IQGAP2: variants seen among roughly 807,000 people sequenced by gnomAD.
IQGAP2 encodes ras GTPase-activating-like protein IQGAP2.
Under a neutral mutation model 201.3 loss-of-function variants are expected in IQGAP2, and 173 were observed. The ratio of observed to expected loss-of-function variants is 0.86; its 90% CI spans 0.76 to 0.98. The LOEUF (loss-of-function observed/expected upper bound fraction) is 0.98. Ranked by LOEUF, IQGAP2 falls within the 50% of genes least tolerant of loss-of-function variation. The pLI, the probability that IQGAP2 is intolerant of heterozygous loss-of-function variation, is 0.00. For missense variants in IQGAP2, 1,687 were observed against 1,864.8 expected, an observed-to-expected ratio of 0.90 and a Z score of 1.76; for synonymous variants, 675 against 673.9, an observed-to-expected ratio of 1.00 and a Z score of -0.03.
intron 13 of IQGAP2, chr5:76,616,053 G>C (rs1326710511): frequency 3.3e-5 from 5 of 152,578 alleles, no homozygotes; most frequent in Admixed American, 3.3e-4. Context: ...CTTGGGCCTG[G>C]CATCACCCAG....
At chr5:76,460,981 T>C (rs546007121) in intron 1 of IQGAP2, among the ~76,000 whole-genome samples, 58 of 151,152 alleles carry the variant, frequency 3.8e-4, no homozygotes, top group African/African-American at 1.4e-3. Flanking sequence ...GTGATTCTCC[T>C]GATTCTCTTG....
intron 1 of IQGAP2, among the ~76,000 whole-genome samples, chr5:76,405,780 T>A (rs1321161831): frequency 6.6e-6 from 1 of 152,198 alleles, no homozygotes; most frequent in Non-Finnish European, 1.5e-5. Flanking sequence ...ATGGGAAGGC[T>A]AGGGAAGGAT....
chr5:76,647,322 C>G (rs1752126261), intron 17 of IQGAP2, among the ~76,000 whole-genome samples: 2 of 152,044 alleles, frequency 1.3e-5, no homozygotes, highest in African/African-American at 4.8e-5. Flanking sequence ...TTTTTCTGAC[C>G]TGGAGCTGGA....
chr5:76,636,453 C>T (rs1249671740), intron 15 of IQGAP2, among the ~76,000 whole-genome samples: 1 of 152,184 alleles, frequency 6.6e-6, no homozygotes, highest in African/African-American at 2.4e-5. Flanking sequence ...TGTGGTTGCA[C>T]AGCACAAAAT....
chr5:76,701,228 G>T lies in IQGAP2; in HGVS notation c.4505+15G>T, dbSNP rs367672932. On this transcript the variant is annotated intron_variant, in intron 34 of 35. Transcript: ENST00000274364. ...CAAACAAACCAGTAAGTGTGACCTG[G>T]AATCTGCATAGAACACGCATGCCAT... 4.3e-5 allele frequency: 70 copies of T among 1,613,176 alleles called. No homozygotes were observed. Among genetic ancestry groups the T allele is most frequent in the Non-Finnish European group, 5.8e-5 (68 of 1,179,342 alleles).
chr5:76,635,902 T>C (rs975405982), intron 15 of IQGAP2, among the ~76,000 whole-genome samples: 2 of 152,026 alleles, frequency 1.3e-5, no homozygotes, highest in Non-Finnish European at 2.9e-5. Context: ...GAAAGAATAA[T>C]AATTACTTGT....
intron 2 of IQGAP2, among the ~76,000 whole-genome samples, chr5:76,520,762 G>A (rs971946654): frequency 6.4e-5 from 9 of 140,816 alleles, no homozygotes; most frequent in African/African-American, 2.4e-4. Context: ...GGAGTGCAGT[G>A]AGTGGCACGA....
chr5:76,511,318 G>A (rs1235177896), intron 2 of IQGAP2, among the ~76,000 whole-genome samples: 2 of 152,154 alleles, frequency 1.3e-5, no homozygotes, highest in Non-Finnish European at 2.9e-5. Context: ...GTCACAAGAT[G>A]GCTGCCATGT....
At chr5:76,688,743 A>T (rs1746000710) in intron 30 of IQGAP2, among the ~76,000 whole-genome samples, 1 of 152,344 alleles carries the variant, frequency 6.6e-6, no homozygotes, top group Admixed American at 6.5e-5. Context: ...AGAGAGAAAG[A>T]GAATAACATG....
chr5:76,607,853 T>C (rs929474807), intron 12 of IQGAP2: 3 of 152,270 alleles, frequency 2.0e-5, no homozygotes, highest in African/African-American at 7.2e-5. Context: ...TCCTTTCTTT[T>C]GGTAGGCAAA....
At chr5:76,597,088 A>G (rs902974694) in intron 9 of IQGAP2, 6 of 212,662 alleles carry the variant, frequency 2.8e-5, no homozygotes, top group African/African-American at 9.2e-5. Flanking sequence ...TGGTGTTCAC[A>G]TGATGAGAAA....
chr5:76,560,318 C>CTTT (rs34182814), intron 2 of IQGAP2, among the ~76,000 whole-genome samples: 3 of 133,346 alleles, frequency 2.2e-5, no homozygotes, highest in Non-Finnish European at 4.8e-5. Context: ...ATGCCTGGCT[C>CTTT]TTTTTTTTTT....
intron 20 of IQGAP2, among the ~76,000 whole-genome samples, chr5:76,655,369 G>A (rs1474789926): frequency 6.6e-6 from 1 of 152,072 alleles, no homozygotes; most frequent in African/African-American, 2.4e-5. Context: ...GTTAGACATA[G>A]TCTCATCTCC....
chr5:76,519,114 G>C (rs1758518691), intron 2 of IQGAP2, among the ~76,000 whole-genome samples: 1 of 151,824 alleles, frequency 6.6e-6, no homozygotes, highest in South Asian at 2.1e-4. Flanking sequence ...GTGTAAAATT[G>C]CACAAGTTTT....
chr5:76,678,684 C>G lies in IQGAP2; in HGVS notation c.3660+1334C>G, dbSNP rs535001950. ...CTAGATGCTTCAGTTAAGGATGCAC[C>G]CAACTTTGGATTATACAGAGAACCA... is the stretch of plus-strand genomic sequence containing the variant. On this transcript the variant is annotated intron_variant, in intron 28 of 35. Transcript: ENST00000274364. 2.6e-5 allele frequency among the ~76,000 whole-genome samples: 4 copies of G among 152,192 alleles called. No individual in the cohort carries two copies. In the East Asian group the frequency reaches 7.7e-4, roughly 29 times the overall value.
chr5:76,656,679 CTTT>C (rs1268621111), intron 20 of IQGAP2, among the ~76,000 whole-genome samples: 1 of 150,766 alleles, frequency 6.6e-6, no homozygotes, highest in Non-Finnish European at 1.5e-5. Context: ...TGTTTGTTTA[CTTT>C]TTTATTACAA....
chr5:76,674,504 T>C lies in IQGAP2; in HGVS notation c.3322T>C (p.Tyr1108His). The C allele has an allele frequency of 6.2e-7, 1 of 1,613,896 alleles. No individual in the cohort carries two copies. The highest frequency in any genetic ancestry group is 8.5e-7 in the Non-Finnish European group (1 of 1,179,800). The change falls in exon 27 of 36, where the codon TAC (tyrosine) becomes CAC (histidine). Residue 1108 changes from tyrosine to histidine, a missense_variant. By Grantham distance (83) the Tyr-to-His change is moderately conservative (BLOSUM62 2). Transcript: ENST00000274364. ...KIVGNLLYYR[Y>H]MNPAIVAPDG... is the part of the protein sequence containing the mutation. ...TGTTGGAAACCTCCTGTACTATCGG[T>C]ACATGAATCCAGCCATTGTAGCTCC...
intron 21 of IQGAP2, among the ~76,000 whole-genome samples, chr5:76,664,805 T>C (rs1743593598): frequency 6.6e-6 from 1 of 152,130 alleles, no homozygotes; most frequent in South Asian, 2.1e-4. Flanking sequence ...CACATGCTAT[T>C]GGAAAAAAAT....
At chr5:76,669,653 T>C (rs986803491) in intron 23 of IQGAP2, among the ~76,000 whole-genome samples, 2 of 151,808 alleles carry the variant, frequency 1.3e-5, no homozygotes, top group Admixed American at 1.3e-4. Flanking sequence ...AAGAGGGAAA[T>C]AAGGCACAAT....
Sources: gnomAD v4.1 joint callset for allele counts (sites outside exome capture counted in the v4.1 genomes callset) on GRCh38, gnomAD v4.1.1 for gene constraint, MANE v1.5 for transcripts, NCBI Gene and HGNC (gene_info 2026-07-23, HGNC 2026-07-21) for gene names.